Variants in TAFA1 observed in about 807,000 individuals in gnomAD.
The protein encoded by TAFA1 is chemokine-like protein TAFA-1.
A neutral mutation model predicts 18.5 loss-of-function variants in TAFA1; 4 were observed. That is an observed-to-expected ratio of 0.22 (90% CI 0.11 to 0.49). The LOEUF is 0.49. Ranked by LOEUF, TAFA1 falls within the 20% of genes least tolerant of loss-of-function variation. The probability of loss-of-function intolerance (pLI) is 0.98; values close to 1 mark genes in which losing one functional copy is unlikely to be tolerated. For missense variants in TAFA1, 147 were observed against 169.0 expected, an observed-to-expected ratio of 0.87 and a Z score of 0.72; for synonymous variants, 56 against 55.2, an observed-to-expected ratio of 1.01 and a Z score of -0.06.
At chr3:68,179,587 A>G (rs2066169723) in intron 2 of TAFA1, among the ~76,000 whole-genome samples, 1 of 152,178 alleles carries the variant, frequency 6.6e-6, no homozygotes, top group Admixed American at 6.5e-5. Flanking sequence ...ACAAGCACTT[A>G]TCTAGTGATT....
chr3:68,248,321 C>T (rs1328495109), intron 2 of TAFA1, among the ~76,000 whole-genome samples: 1 of 152,034 alleles, frequency 6.6e-6, no homozygotes, highest in East Asian at 1.9e-4. Flanking sequence ...TAATACAAAA[C>T]CTTAACAAGA....
At chr3:67,995,805 C>A in the TAFA1 span, among the ~76,000 whole-genome samples, 2 of 152,200 alleles carry the variant, frequency 1.3e-5, no homozygotes, top group African/African-American at 4.8e-5. Context: ...AACACCCATA[C>A]ACATACAGAC....
At chr3:68,358,121 A>C (rs2069398985) in intron 2 of TAFA1, among the ~76,000 whole-genome samples, 1 of 151,980 alleles carries the variant, frequency 6.6e-6, no homozygotes, top group Non-Finnish European at 1.5e-5. Context: ...GCTAAAAGTC[A>C]AATTCTGCTC....
At chr3:68,469,312 G>A (rs2106942949) in intron 3 of TAFA1, among the ~76,000 whole-genome samples, 1 of 152,288 alleles carries the variant, frequency 6.6e-6, no homozygotes, top group Non-Finnish European at 1.5e-5. Flanking sequence ...AAGTAGGCAT[G>A]TGAAAAGTAT....
intron 2 of TAFA1, among the ~76,000 whole-genome samples, chr3:68,259,136 G>A (rs568908793): frequency 6.6e-6 from 1 of 152,298 alleles, no homozygotes; most frequent in South Asian, 2.1e-4. Flanking sequence ...AGGTGCCACT[G>A]TGGGTCTTTG....
chr3:68,528,280 A>T (rs2073136168), intron 3 of TAFA1, among the ~76,000 whole-genome samples: 1 of 152,210 alleles, frequency 6.6e-6, no homozygotes, highest in East Asian at 1.9e-4. Context: ...TCTACAACTG[A>T]GAAAACTTAA....
At chr3:68,203,830 TA>T (rs1445817462) in intron 2 of TAFA1, among the ~76,000 whole-genome samples, 1 of 151,658 alleles carries the variant, frequency 6.6e-6, no homozygotes, top group Non-Finnish European at 1.5e-5. Flanking sequence ...AGTGTTCTGG[TA>T]TATTTCAAAA....
chr3:68,339,908 A>G (rs2069050482), intron 2 of TAFA1, among the ~76,000 whole-genome samples: 1 of 151,954 alleles, frequency 6.6e-6, no homozygotes, highest in Admixed American at 6.5e-5. Flanking sequence ...CCAATGGCTT[A>G]ACAATCAGCT....
chr3:68,275,205 T>A (rs2067770948), intron 2 of TAFA1, among the ~76,000 whole-genome samples: 1 of 152,064 alleles, frequency 6.6e-6, no homozygotes, highest in Admixed American at 6.6e-5. Context: ...TTTATAGGTC[T>A]AGGACTAAAA....
At chr3:68,170,225 A>T (rs1171519560) in intron 2 of TAFA1, among the ~76,000 whole-genome samples, 1 of 152,204 alleles carries the variant, frequency 6.6e-6, no homozygotes, top group African/African-American at 2.4e-5. Flanking sequence ...AGAAACCAAC[A>T]GTCTAGCAGC....
intron 2 of TAFA1, among the ~76,000 whole-genome samples, chr3:68,132,620 T>G (rs576734042): frequency 6.6e-6 from 1 of 152,258 alleles, no homozygotes; most frequent in Non-Finnish European, 1.5e-5. Flanking sequence ...ATTTCTCTTA[T>G]GACCAGTGAT....
chr3:68,110,882 T>C (rs914707803), intron 2 of TAFA1, among the ~76,000 whole-genome samples: 5 of 152,186 alleles, frequency 3.3e-5, no homozygotes, highest in Non-Finnish European at 7.3e-5. Flanking sequence ...ATAAACCCTT[T>C]CTGCTTTGGT....
At chr3:68,525,489 G>T (rs1385993624) in intron 3 of TAFA1, among the ~76,000 whole-genome samples, 2 of 152,124 alleles carry the variant, frequency 1.3e-5, no homozygotes, top group African/African-American at 2.4e-5. Context: ...CTTCCAAATA[G>T]TCCAGACAAT....
At chr3:68,243,930 G>T (rs948533077) in intron 2 of TAFA1, among the ~76,000 whole-genome samples, 4 of 152,086 alleles carry the variant, frequency 2.6e-5, no homozygotes, top group Non-Finnish European at 5.9e-5. Context: ...CAGCTTTTCT[G>T]CATCCTCACC....
intron 2 of TAFA1, among the ~76,000 whole-genome samples, chr3:68,110,046 C>T (rs1174632676): frequency 1.3e-5 from 2 of 152,038 alleles, no homozygotes; most frequent in Non-Finnish European, 2.9e-5. Flanking sequence ...AAACGTGTGC[C>T]ATGGGGGTTT....
chr3:68,002,125 T>C (rs751605000), upstream of TAFA1, among the ~76,000 whole-genome samples: 5 of 152,160 alleles, frequency 3.3e-5, no homozygotes, highest in Non-Finnish European at 5.9e-5. Flanking sequence ...TTGCTTTGAG[T>C]TGGGAGAATA....
intron 2 of TAFA1, among the ~76,000 whole-genome samples, chr3:68,232,912 GT>G (rs1299728739): frequency 6.6e-6 from 1 of 152,092 alleles, no homozygotes; most frequent in Admixed American, 6.6e-5. Context: ...CCTATTTTTA[GT>G]TTTTTAAGGA....
intron 3 of TAFA1, among the ~76,000 whole-genome samples, chr3:68,496,775 C>T (rs2072557270): frequency 6.6e-6 from 1 of 152,124 alleles, no homozygotes; most frequent in South Asian, 2.1e-4. Context: ...TTCCTTAACC[C>T]TTCTGTGTCA....
chr3:68,084,664 G>T (rs2064949054), intron 2 of TAFA1, among the ~76,000 whole-genome samples: 1 of 152,088 alleles, frequency 6.6e-6, no homozygotes. Flanking sequence ...TGGGCGCGGT[G>T]GCAGGCGGCT....
Sources: allele counts gnomAD v4.1 joint callset (sites outside exome capture counted in the v4.1 genomes callset), GRCh38; gene constraint gnomAD v4.1.1; transcripts MANE v1.5; gene names NCBI Gene and HGNC (gene_info 2026-07-23, HGNC 2026-07-21).